Variants in APOL5 observed in about 807,000 individuals in gnomAD.
APOL5 encodes apolipoprotein L, 5.
Under a neutral mutation model 35.5 loss-of-function variants are expected in APOL5, and 29 were observed. The ratio of observed to expected loss-of-function variants is 0.82; its 90% CI spans 0.61 to 1.11. APOL5 has a LOEUF of 1.11. APOL5 is among the 50% of genes most tolerant of loss of function. APOL5 has a pLI of 0.00. For synonymous variants in APOL5, 188 were observed against 200.2 expected (o/e 0.94, Z 0.51); for missense variants, 514 against 530.4 (o/e 0.97, Z 0.30).
upstream of APOL5, among the ~76,000 whole-genome samples, chr22:35,717,413 A>C (rs1204964074): frequency 2.0e-5 from 3 of 148,468 alleles, no homozygotes; most frequent in African/African-American, 2.5e-5. Context: ...TGAAAGAAAA[A>C]AAAAAAAGAA....
chr22:35,720,724 AC>A, intron 2 of APOL5, 70 bp downstream of exon 2: 1 of 1,117,084 alleles, frequency 9.0e-7, no homozygotes, highest in Non-Finnish European at 1.3e-6. Flanking sequence ...TCTGTCACAG[AC>A]CCAGCACTCA....
At chr22:35,718,019 C>A in intron 1 of APOL5, 93 bp downstream of exon 1, 1 of 1,029,378 alleles carries the variant, frequency 9.7e-7, no homozygotes, top group Non-Finnish European at 1.4e-6. Context: ...ATTTTTTATA[C>A]CCACCATATG....
At chr22:35,722,730 A>G (rs955313648) in intron 2 of APOL5, among the ~76,000 whole-genome samples, 1 of 152,056 alleles carries the variant, frequency 6.6e-6, no homozygotes, top group African/African-American at 2.4e-5. Context: ...GCAGAATACT[A>G]TTTATCTTCT....
At chr22:35,725,942 T>G (rs953063605) in intron 2 of APOL5, among the ~76,000 whole-genome samples, 3 of 152,204 alleles carry the variant, frequency 2.0e-5, no homozygotes, top group Non-Finnish European at 4.4e-5. Context: ...GGGGTTTGTT[T>G]CTGGGAAAGG....
upstream of APOL5, among the ~76,000 whole-genome samples, chr22:35,716,383 C>G (rs926219419): frequency 5.3e-5 from 8 of 152,210 alleles, no homozygotes; most frequent in African/African-American, 1.9e-4. Context: ...AGAGATTCTC[C>G]TGCCTCAGCC....
intron 2 of APOL5, among the ~76,000 whole-genome samples, chr22:35,722,365 C>T (rs1037717888): frequency 7.9e-5 from 12 of 152,146 alleles, no homozygotes; most frequent in East Asian, 1.9e-4. Flanking sequence ...TGCAGTGGCG[C>T]GATCTCGGCT....
rs574844144 is a variant in APOL5 at position 35,721,369 on chromosome 22, G to A, written c.142+715G>A. Among the ~76,000 whole-genome samples, 22 of 152,016 alleles carry A rather than the reference G, an allele frequency of 1.4e-4. 1 individual carries two copies. The highest frequency in any genetic ancestry group is 3.3e-4 in the Admixed American group (5 of 15,256). ...GACAGATTGGCCAACATGGTGAAAC[G>A]TCATTTCCACTAAAAATACAGAAAT... On this transcript the variant is annotated intron_variant, in intron 2 of 4. Coordinates refer to ENST00000249044, the MANE Select transcript of APOL5 (RefSeq NM_030642.1).
intron 2 of APOL5, among the ~76,000 whole-genome samples, chr22:35,724,017 C>G (rs1465898027): frequency 1.3e-5 from 2 of 152,274 alleles, no homozygotes; most frequent in South Asian, 2.1e-4. Context: ...CACTGAATGA[C>G]AGTGAGCCCT....
upstream of APOL5, among the ~76,000 whole-genome samples, chr22:35,715,016 G>A (rs780985609): frequency 5.3e-5 from 8 of 152,174 alleles, no homozygotes; most frequent in Non-Finnish European, 1.0e-4. Flanking sequence ...GAAATTGATC[G>A]ATTATGAAAT....
At chr22:35,724,089 A>T (rs1927063824) in intron 2 of APOL5, among the ~76,000 whole-genome samples, 1 of 152,172 alleles carries the variant, frequency 6.6e-6, no homozygotes, top group Admixed American at 6.5e-5. Flanking sequence ...TGCTTTGGAA[A>T]TGTAGACTCT....
intron 2 of APOL5, 93 bp from the exon 3 acceptor site, chr22:35,726,118 T>G: frequency 6.9e-7 from 1 of 1,448,510 alleles, no homozygotes. Context: ...ACTGTTAGAA[T>G]TTTTGCAAAG....
the APOL5 span, among the ~76,000 whole-genome samples, chr22:35,709,485 T>C: frequency 2.0e-5 from 3 of 152,228 alleles, no homozygotes; most frequent in African/African-American, 4.8e-5. Flanking sequence ...CCAACATACT[T>C]GGTCGCTCAA....
chr22:35,726,949 T>G lies in APOL5; in HGVS notation c.881T>G (p.Met294Arg), dbSNP rs1247471990. 1 of 1,614,050 alleles carries G rather than the reference T, an allele frequency of 6.2e-7. No homozygotes were observed. Among genetic ancestry groups the G allele is most frequent in the African/African-American group, 1.3e-5 (1 of 74,932 alleles). Residue 294 changes from methionine (M) to arginine (R), a missense_variant, in exon 3 of 5, where the codon ATG becomes AGG. Physicochemically the swap from Met to Arg is moderately conservative, Grantham distance 91. This residue lies in a region of APOL5 where 238 missense variants were observed against 229.1 expected (regional missense o/e 1.04). Coordinates refer to ENST00000249044, the MANE Select transcript of APOL5 (RefSeq NM_030642.1). ...TLAMTNGAWV[M>R]GAAGAGFLLM... ...GCCATGACCAATGGTGCCTGGGTGA[T>G]GGGTGCTGCTGGGGCTGGCTTCTTA...
At chr22:35,711,189 A>AC in the APOL5 span, among the ~76,000 whole-genome samples, 2 of 152,164 alleles carry the variant, frequency 1.3e-5, no homozygotes, top group African/African-American at 2.4e-5. Context: ...AACAACAACA[A>AC]AAAAAGCAAA....
the APOL5 span, among the ~76,000 whole-genome samples, chr22:35,711,756 A>T: frequency 1.2e-4 from 18 of 148,448 alleles, no homozygotes; most frequent in African/African-American, 4.5e-4. Flanking sequence ...GCTCACTGCA[A>T]CCTTTGTCTC....
At chr22:35,720,977 C>A (rs1175821217) in intron 2 of APOL5, among the ~76,000 whole-genome samples, 1 of 152,086 alleles carries the variant, frequency 6.6e-6, no homozygotes, top group African/African-American at 2.4e-5. Flanking sequence ...AACTCCTGAT[C>A]TCAAATGCTC....
intron 2 of APOL5, among the ~76,000 whole-genome samples, chr22:35,721,212 C>T (rs1400171545): frequency 6.6e-6 from 1 of 152,106 alleles, no homozygotes; most frequent in Non-Finnish European, 1.5e-5. Flanking sequence ...AAAATGTACA[C>T]ATCCGCATAA....
the APOL5 span, among the ~76,000 whole-genome samples, chr22:35,710,324 T>C: frequency 1.3e-5 from 2 of 150,768 alleles, no homozygotes; most frequent in East Asian, 3.9e-4. Context: ...TTTTTTTTTG[T>C]AGAGACAGGG....
the APOL5 span, among the ~76,000 whole-genome samples, chr22:35,709,824 A>G: frequency 2.6e-5 from 4 of 151,678 alleles, 1 homozygote; most frequent in South Asian, 4.2e-4. Flanking sequence ...TCCAATGAGC[A>G]TTGATTTTTT....
Sources: allele counts gnomAD v4.1 joint callset (sites outside exome capture counted in the v4.1 genomes callset), GRCh38; gene constraint gnomAD v4.1.1; regional missense constraint gnomAD v4.1.1; transcripts MANE v1.5; gene names NCBI Gene and HGNC (gene_info 2026-07-23, HGNC 2026-07-21).